The following ZFP90 variants were observed in gnomAD, a reference collection of about 807,000 sequenced individuals.
The protein encoded by ZFP90 is ZFP90 zinc finger protein, also known as zinc finger protein 90 homolog.
ZFP90 carries 38 observed loss-of-function variants against 60.8 expected under a neutral mutation model. The ratio of observed to expected loss-of-function variants is 0.62; its 90% confidence interval spans 0.48 to 0.82. The LOEUF (loss-of-function observed/expected upper bound fraction) is 0.82. Ranked by LOEUF, ZFP90 falls within the 40% of genes least tolerant of loss-of-function variation. ZFP90 has a pLI of 0.00. For missense variants in ZFP90, 711 were observed against 759.1 expected, an observed-to-expected ratio of 0.94 and a Z score of 0.74; for synonymous variants, 287 against 264.8, an observed-to-expected ratio of 1.08 and a Z score of -0.82.
chr16:68,543,462 C>T (rs1374273195), intron 2 of ZFP90, among the ~76,000 whole-genome samples: 2 of 151,938 alleles, frequency 1.3e-5, no homozygotes, highest in African/African-American at 4.8e-5. Flanking sequence ...ATGGAGGAGC[C>T]GGGATACCCA....
intron 3 of ZFP90, 102 bp downstream of exon 3, chr16:68,558,226 C>G: frequency 1.3e-6 from 2 of 1,531,758 alleles, no homozygotes; most frequent in Non-Finnish European, 1.8e-6. Context: ...GACCAGGGTG[C>G]TCAGGGGTCA....
At position 68,564,526 on chromosome 16, in the gene ZFP90, C is replaced by T; in HGVS notation, c.1739C>T (p.Pro580Leu). The change falls in exon 5 of 5, where the codon CCC becomes CTC. Residue 580 changes from proline to leucine, a missense_variant. Pro to Leu is a moderately conservative substitution (Grantham distance 98, BLOSUM62 -3). Coordinates refer to ENST00000563169, the MANE Select transcript of ZFP90 (RefSeq NM_001305203.2). ...GAGAGAACTCATACTGGAGAGAAGC[C>T]CTATGAATGTAATGAATGTGGGAGA... ...QHERTHTGEKPYECNECGRAF... is the reference protein window; with the variant it reads ...QHERTHTGEKLYECNECGRAF... The T allele has an allele frequency of 6.2e-7, 1 of 1,613,756 alleles. No homozygotes were observed. The highest frequency in any genetic ancestry group is 8.5e-7 in the Non-Finnish European group (1 of 1,179,882).
At chr16:68,550,748 G>T (rs886523397) in intron 2 of ZFP90, among the ~76,000 whole-genome samples, 2 of 152,192 alleles carry the variant, frequency 1.3e-5, no homozygotes, top group African/African-American at 2.4e-5. Flanking sequence ...AGACTGTGTG[G>T]CTGTAGATTG....
rs551942779 is a variant in ZFP90 at position 68,557,364 on chromosome 16, G to GTAT, written c.34-632_34-631insTTA. ...AGGTGTTGTTGGTTTTAATCAGTGG[G>GTAT]TACCTGTGATACAGGTGTACTGTGG... On this transcript the variant is annotated intron_variant, in intron 2 of 4. Coordinates refer to ENST00000563169, the MANE Select transcript of ZFP90 (RefSeq NM_001305203.2). 775 of 439,284 alleles carry GTAT rather than the reference G, an allele frequency of 1.8e-3. 1 individual carries two copies. The highest frequency in any genetic ancestry group is 2.8e-3 in the Admixed American group (117 of 41,852). 27.2% of individuals were successfully genotyped at this position (439,284 alleles called of 1,614,324 possible). A position where few individuals can be genotyped will look rare whatever the true frequency, so the allele number is the denominator to read the frequency against.
chr16:68,537,190 A>C (rs879402937), upstream of ZFP90, among the ~76,000 whole-genome samples: 1 of 151,666 alleles, frequency 6.6e-6, no homozygotes, highest in African/African-American at 2.4e-5. Flanking sequence ...CAGTGGTGCA[A>C]TCTTGGCTCA....
At chr16:68,539,626 G>A (rs2090999413) in intron 1 of ZFP90, 132 bp from the exon 2 acceptor site, 7 of 690,886 alleles carry the variant, frequency 1.0e-5, no homozygotes, top group Non-Finnish European at 1.6e-5. Flanking sequence ...GGAGCGGCAG[G>A]CCCGGGCTGG....
intron 4 of ZFP90, among the ~76,000 whole-genome samples, chr16:68,561,664 G>A (rs1001118576): frequency 2.0e-5 from 3 of 152,142 alleles, no homozygotes; most frequent in Non-Finnish European, 4.4e-5. Context: ...CATATAGAAA[G>A]CAATCAGAAC....
downstream of ZFP90, among the ~76,000 whole-genome samples, chr16:68,568,672 CAAT>C (rs2091551425): frequency 6.6e-6 from 1 of 152,120 alleles, no homozygotes; most frequent in Non-Finnish European, 1.5e-5. Flanking sequence ...AATAGGTTAA[CAAT>C]AAGTCATGGC....
chr16:68,543,757 C>T (rs1300789999), intron 2 of ZFP90, among the ~76,000 whole-genome samples: 2 of 151,522 alleles, frequency 1.3e-5, no homozygotes, highest in East Asian at 1.9e-4. Flanking sequence ...GACAGGGTTT[C>T]ACCATGTTGA....
downstream of ZFP90, among the ~76,000 whole-genome samples, chr16:68,567,351 T>G (rs573062316): frequency 6.6e-6 from 1 of 152,340 alleles, no homozygotes; most frequent in South Asian, 2.1e-4. Context: ...AGTTCTTGTC[T>G]TTGCCCAGCA....
In ZFP90 at chr16:68,564,336, A is replaced by G; in HGVS notation, c.1549A>G (p.Arg517Gly). 6.2e-7 allele frequency: 1 copy of G among 1,614,140 alleles called. No individual in the cohort carries two copies. Among genetic ancestry groups the G allele is most frequent in the Non-Finnish European group, 8.5e-7 (1 of 1,180,020 alleles). The change falls in exon 5 of 5, where the codon AGA (arginine) becomes GGA (glycine). Residue 517 changes from arginine to glycine, a missense_variant. Physicochemically the swap from Arg to Gly is moderately radical, Grantham distance 125. Around this residue, in one of 5 missense-constraint regions of ZFP90, gnomAD observed 295 missense variants for 274.0 expected, o/e 1.08. Coordinates refer to ENST00000563169, the MANE Select transcript of ZFP90 (RefSeq NM_001305203.2). ...GAGTACAAGTTTCATAGAGCATCAC[A>G]GAATTCATACTGGAGAGAAACCCTA... ...KRSTSFIEHHRIHTGEKPYEC... is the reference protein window; with the variant it reads ...KRSTSFIEHHGIHTGEKPYEC...
downstream of ZFP90, among the ~76,000 whole-genome samples, chr16:68,568,196 T>C (rs905615250): frequency 2.6e-5 from 4 of 152,226 alleles, no homozygotes; most frequent in African/African-American, 9.6e-5. Context: ...TGATAGCTCT[T>C]TTTATTACCC....
chr16:68,564,782 A>G lies in ZFP90; in HGVS notation c.*84A>G. ...CAGAGGATTCTTAGAGAGCTTGGGA[A>G]TGTAATGAATTACGTGTGTGTTTAT... On this transcript the variant is annotated 3_prime_UTR_variant, in exon 5 of 5. Transcript: ENST00000563169. The G allele has an allele frequency of 6.7e-7, 1 of 1,488,842 alleles. No individual in the cohort carries two copies. The highest frequency in any genetic ancestry group is 1.4e-5 in the African/African-American group (1 of 71,346). 92.2% of individuals were successfully genotyped at this position (1,488,842 alleles called of 1,614,324 possible).
At chr16:68,561,730 C>T (rs2091441835) in intron 4 of ZFP90, among the ~76,000 whole-genome samples, 2 of 152,142 alleles carry the variant, frequency 1.3e-5, no homozygotes, top group Non-Finnish European at 2.9e-5. Context: ...CTCATTTAAT[C>T]ATTTCCACAA....
chr16:68,548,552 G>A (rs575391313), intron 2 of ZFP90, among the ~76,000 whole-genome samples: 6 of 128,320 alleles, frequency 4.7e-5, no homozygotes, highest in South Asian at 2.5e-4. Flanking sequence ...GTGCAATGGC[G>A]CAATCTCGGC....
chr16:68,553,023 G>A (rs1484641080), intron 2 of ZFP90, among the ~76,000 whole-genome samples: 4 of 152,164 alleles, frequency 2.6e-5, no homozygotes, highest in Non-Finnish European at 5.9e-5. Flanking sequence ...CTGCACTCCA[G>A]CCCGGGCAAC....
rs1286405563 is a variant in ZFP90, at chr16:68,565,879, C to T, written c.*1181C>T. On this transcript the variant is annotated 3_prime_UTR_variant, in exon 5 of 5. Coordinates refer to ENST00000563169, the MANE Select transcript of ZFP90 (RefSeq NM_001305203.2). ...GTGTCTCACACCTGTAATCCCAGCA[C>T]TTTGGGTGGCTAAGGCAGATAGACT... The T allele has an allele frequency of 1.0e-6, 1 of 979,966 alleles. No homozygotes were observed. Among genetic ancestry groups the T allele is most frequent in the Non-Finnish European group, 1.2e-6 (1 of 825,444 alleles). 60.7% of individuals were successfully genotyped at this position (979,966 alleles called of 1,614,324 possible).
chr16:68,546,959 C>T (rs1203213895), intron 2 of ZFP90, among the ~76,000 whole-genome samples: 2 of 152,212 alleles, frequency 1.3e-5, no homozygotes, highest in African/African-American at 4.8e-5. Context: ...AGGCTAAATA[C>T]AATTCCATTT....
In ZFP90 at chr16:68,563,390, GAAT is replaced by G. The variant is rs1179050306; in HGVS notation, c.608_610del (p.Asn203del). 6 of 1,613,114 alleles carry G rather than the reference GAAT, an allele frequency of 3.7e-6. No homozygotes were observed. The highest frequency in any genetic ancestry group is 5.1e-6 in the Non-Finnish European group (6 of 1,179,818). The stretch of plus-strand genomic sequence containing the variant: ...GACATAATGCAGACTTACTTAATGA[GAAT>G]AATATTCTTGCAAAAAAGAAACCCT... On this transcript the variant is annotated inframe_deletion, in exon 5 of 5. Coordinates refer to ENST00000563169, the MANE Select transcript of ZFP90 (RefSeq NM_001305203.2).
Sources: allele counts gnomAD v4.1 joint callset (sites outside exome capture counted in the v4.1 genomes callset), GRCh38; gene constraint gnomAD v4.1.1; regional missense constraint gnomAD v4.1.1; transcripts MANE v1.5; gene names NCBI Gene and HGNC (gene_info 2026-07-23, HGNC 2026-07-21).